TIMP2: variants seen among roughly 807,000 people sequenced by gnomAD.
The protein encoded by TIMP2 is metalloproteinase inhibitor 2.
In TIMP2, 5 loss-of-function variants were observed where a neutral mutation model predicts 24.3. The observed-to-expected ratio is 0.21, with a 90% CI of 0.11 to 0.43. The LOEUF is 0.43. TIMP2 is among the 20% of genes least tolerant of loss of function. The probability of loss-of-function intolerance (pLI) is 1.00; values close to 1 mark genes in which losing one functional copy is unlikely to be tolerated. For missense variants in TIMP2, 221 were observed against 297.5 expected, an observed-to-expected ratio of 0.74 and a Z score of 1.89; for synonymous variants, 130 against 123.2, an observed-to-expected ratio of 1.06 and a Z score of -0.37.
Position 78,870,965 on chromosome 17 carries a change from C to T in TIMP2, c.273G>A (p.Thr91=), listed in dbSNP as rs760008290. ...GPEKDIEFIY[T]APSSAVCGVS... ...CCCCACACACTGCCGAGGAGGGGGC[C>T]GTGTAGATAAACTCTATATCCTTCT... is the stretch of plus-strand genomic sequence containing the variant. The change falls in exon 3 of 5, where the codon ACG becomes ACA. Residue 91 remains threonine (T), a synonymous_variant. Transcript: ENST00000262768. The T allele has an allele frequency of 9.3e-6, 15 of 1,613,678 alleles. No individual in the cohort carries two copies. Among genetic ancestry groups the T allele is most frequent in the East Asian group, 6.7e-5 (3 of 44,852 alleles).
rs1210259715 is a variant in TIMP2 at position 78,891,243 on chromosome 17, T to C, written c.131-17324A>G. The C allele has an allele frequency of 3.2e-6, 5 of 1,550,646 alleles. No homozygotes were observed. The South Asian group carries it at 4.8e-5, about 15-fold the overall frequency. ...TTGCCCATGAACGTTTTCAAGTCGG[T>C]CTTGGACGCTGCCTGCTGCGCCTCC... On this transcript the variant is annotated intron_variant, in intron 1 of 4. Transcript: ENST00000262768. This position sits in a 1 kb window ranked among gnomAD's most constrained non-coding sequence, Gnocchi z 4.5.
At chr17:78,895,016 C>A (rs1482536275) in intron 1 of TIMP2, among the ~76,000 whole-genome samples, 1 of 152,158 alleles carries the variant, frequency 6.6e-6, no homozygotes, top group Non-Finnish European at 1.5e-5. Flanking sequence ...TGTGGCAGCT[C>A]ACACCTGTAA....
In TIMP2 at chr17:78,871,547, G is replaced by A. The variant is rs370902538; in HGVS notation, c.232-541C>T. 4.0e-5 allele frequency among the ~76,000 whole-genome samples: 6 copies of A among 151,846 alleles called. No homozygotes were observed. The East Asian group carries it at 9.7e-4, about 25-fold the overall frequency. ...TTTAGTGTGGCAGATCACAGCAGGTGAGCACAAGACTCATCTGTGCCGGGC... is the reference window on the plus strand; with the variant it reads ...TTTAGTGTGGCAGATCACAGCAGGTAAGCACAAGACTCATCTGTGCCGGGC... On this transcript the variant is annotated intron_variant, in intron 2 of 4. Coordinates refer to ENST00000262768, the MANE Select transcript of TIMP2 (RefSeq NM_003255.5).
At chr17:78,911,817 G>C (rs67672445) in intron 1 of TIMP2, among the ~76,000 whole-genome samples, 4 of 150,112 alleles carry the variant, frequency 2.7e-5, no homozygotes, top group Non-Finnish European at 5.9e-5. Flanking sequence ...AGGCCATGGC[G>C]GGTGGATCAC....
At chr17:78,881,564 G>C (rs1478901200) in intron 1 of TIMP2, among the ~76,000 whole-genome samples, 1 of 152,384 alleles carries the variant, frequency 6.6e-6, no homozygotes, top group African/African-American at 2.4e-5. Context: ...GTAACTGCAG[G>C]CCGGAGCCGC....
intron 3 of TIMP2, among the ~76,000 whole-genome samples, chr17:78,865,080 C>T (rs1160585814): frequency 6.6e-6 from 1 of 151,994 alleles, no homozygotes; most frequent in Non-Finnish European, 1.5e-5. Flanking sequence ...AAAATCTGAC[C>T]CATGCTACAA....
intron 1 of TIMP2, chr17:78,904,403 T>C (rs1599172073): frequency 6.6e-6 from 1 of 151,762 alleles, no homozygotes; most frequent in Non-Finnish European, 1.5e-5. Context: ...GAGAAGAAGG[T>C]AAACAGCAGG....
chr17:78,888,763 C>A (rs1333912641), intron 1 of TIMP2, among the ~76,000 whole-genome samples: 1 of 152,188 alleles, frequency 6.6e-6, no homozygotes, highest in African/African-American at 2.4e-5. Context: ...TCCAAGGAGG[C>A]AGCAGGGGGA....
intron 4 of TIMP2, chr17:78,856,898 T>A (rs1418715852): frequency 6.6e-6 from 1 of 152,300 alleles, no homozygotes; most frequent in Non-Finnish European, 1.5e-5. Flanking sequence ...GACCATATTC[T>A]CTCTCCCCAT....
intron 2 of TIMP2, among the ~76,000 whole-genome samples, chr17:78,871,264 C>G (rs1198686336): frequency 6.6e-6 from 1 of 151,626 alleles, no homozygotes; most frequent in Non-Finnish European, 1.5e-5. Context: ...CCAGCCTGGC[C>G]AACGTAGCAA....
chr17:78,863,919 G>A (rs972051721), intron 3 of TIMP2, among the ~76,000 whole-genome samples: 6 of 152,108 alleles, frequency 3.9e-5, no homozygotes, highest in Admixed American at 2.0e-4. Context: ...CCCCATGTAC[G>A]GATCGGCATG....
At chr17:78,866,819 C>A (rs1409737448) in intron 3 of TIMP2, among the ~76,000 whole-genome samples, 1 of 151,922 alleles carries the variant, frequency 6.6e-6, no homozygotes, top group Non-Finnish European at 1.5e-5. Context: ...GAAAGCCCAG[C>A]ATAGAGAAAT....
At chr17:78,900,300 C>G in intron 1 of TIMP2, 1 of 152,178 alleles carries the variant, frequency 6.6e-6, no homozygotes, top group Non-Finnish European at 1.5e-5. Context: ...AATCCCAGCA[C>G]TTTGGGAGGC....
intron 1 of TIMP2, among the ~76,000 whole-genome samples, chr17:78,910,421 G>A (rs2070197421): frequency 6.6e-6 from 1 of 152,074 alleles, no homozygotes; most frequent in Non-Finnish European, 1.5e-5. Flanking sequence ...TCAAACTCCT[G>A]GCCTCAGGTG....
In TIMP2 at chr17:78,911,404, C is replaced by A. The variant is rs545123791; in HGVS notation, c.130+13555G>T. 2.6e-5 allele frequency among the ~76,000 whole-genome samples: 4 copies of A among 151,886 alleles called. No homozygotes were observed. The East Asian group carries it at 7.8e-4, about 30-fold the overall frequency. On this transcript the variant is annotated intron_variant, in intron 1 of 4. Coordinates refer to ENST00000262768, the MANE Select transcript of TIMP2 (RefSeq NM_003255.5). Reference sequence around the variant, plus strand: ...AGGACAAACTAACTAACTATTGAGCCCCTCCAGTGCTTTTGTTGTTTTTGT... The same window carrying A: ...AGGACAAACTAACTAACTATTGAGCACCTCCAGTGCTTTTGTTGTTTTTGT...
At chr17:78,901,950 A>C in intron 1 of TIMP2, 1 of 598,380 alleles carries the variant, frequency 1.7e-6, no homozygotes, top group Non-Finnish European at 3.1e-6. Flanking sequence ...AACCAAGCCC[A>C]GATAAAACAA....
At chr17:78,882,622 G>A (rs1397207486) in intron 1 of TIMP2, among the ~76,000 whole-genome samples, 1 of 152,226 alleles carries the variant, frequency 6.6e-6, no homozygotes, top group East Asian at 1.9e-4. Flanking sequence ...GCAGGATGGG[G>A]CCGACCTCGC....
rs540774087 is a variant in TIMP2 at position 78,915,463 on chromosome 17, T to C, written c.130+9496A>G. Among the ~76,000 whole-genome samples, 3 of 152,182 alleles carry C rather than the reference T, an allele frequency of 2.0e-5. No individual in the cohort carries two copies. The East Asian group carries it at 5.8e-4, about 29-fold the overall frequency. On this transcript the variant is annotated intron_variant, in intron 1 of 4. Coordinates refer to ENST00000262768, the MANE Select transcript of TIMP2 (RefSeq NM_003255.5). ...ATTCATCCCCAAGCCAGTATCAGTC[T>C]GAATCAGCACCATTCTGTTGATGTA... is the stretch of plus-strand genomic sequence containing the variant.
chr17:78,876,381 G>C (rs1376770250), intron 1 of TIMP2, among the ~76,000 whole-genome samples: 2 of 151,804 alleles, frequency 1.3e-5, no homozygotes, highest in Non-Finnish European at 2.9e-5. Context: ...ACAGAGTCTT[G>C]CTCTGTCATC....
Sources: gnomAD v4.1 joint callset for allele counts (sites outside exome capture counted in the v4.1 genomes callset) on GRCh38, gnomAD v4.1.1 for gene constraint, Gnocchi (gnomAD v3.1) non-coding constraint, MANE v1.5 for transcripts, NCBI Gene and HGNC (gene_info 2026-07-23, HGNC 2026-07-21) for gene names.